SLC25A21: variants seen among roughly 807,000 people sequenced by gnomAD.
The protein encoded by SLC25A21 is mitochondrial 2-oxodicarboxylate carrier.
SLC25A21 carries 47 observed loss-of-function variants against 43.8 expected under a neutral mutation model. The observed-to-expected ratio is 1.07, with a 90% CI of 0.85 to 1.37. The LOEUF (loss-of-function observed/expected upper bound fraction) is 1.37. Among genes scored for constraint, SLC25A21 ranks in the 40% most tolerant of loss-of-function variants. The pLI is 0.00. For missense variants in SLC25A21, 352 were observed against 350.2 expected (o/e 1.00, Z -0.04); for synonymous variants, 131 against 121.3 (o/e 1.08, Z -0.52).
chr14:37,145,474 C>CAGAGAG (rs371272773), intron 1 of SLC25A21, among the ~76,000 whole-genome samples: 41 of 119,480 alleles, frequency 3.4e-4, no homozygotes, highest in Admixed American at 9.6e-4. Context: ...CACACACACA[C>CAGAGAG]ACAGAGAGAT....
intron 1 of SLC25A21, among the ~76,000 whole-genome samples, chr14:36,897,607 G>A (rs1336107574): frequency 3.3e-5 from 5 of 152,160 alleles, no homozygotes; most frequent in Non-Finnish European, 7.3e-5. Context: ...AGGAGGAGAG[G>A]TGCTCTGATT....
At chr14:36,904,960 A>G (rs1891496020) in intron 1 of SLC25A21, among the ~76,000 whole-genome samples, 1 of 152,214 alleles carries the variant, frequency 6.6e-6, no homozygotes, top group South Asian at 2.1e-4. Context: ...ACAATGAAGT[A>G]GCAAAACTGG....
chr14:36,756,478 T>C (rs562576936), intron 3 of SLC25A21, among the ~76,000 whole-genome samples: 44 of 152,296 alleles, frequency 2.9e-4, no homozygotes, highest in African/African-American at 1.0e-3. Flanking sequence ...GAGATTTGAG[T>C]CAAGTGTTCT....
chr14:36,984,615 G>A (rs770613822), intron 1 of SLC25A21, among the ~76,000 whole-genome samples: 8 of 151,814 alleles, frequency 5.3e-5, no homozygotes, highest in Admixed American at 1.3e-4. Flanking sequence ...AGGTTTAAGC[G>A]TTTTGCTTTT....
At chr14:36,729,246 A>G (rs979667805) in intron 5 of SLC25A21, among the ~76,000 whole-genome samples, 3 of 152,104 alleles carry the variant, frequency 2.0e-5, no homozygotes, top group Non-Finnish European at 4.4e-5. Flanking sequence ...TGATAAATGT[A>G]CTCTTTATTT....
chr14:37,023,590 A>G (rs1338022697), intron 1 of SLC25A21, among the ~76,000 whole-genome samples: 1 of 151,962 alleles, frequency 6.6e-6, no homozygotes, highest in Admixed American at 6.6e-5. Context: ...CTTTCTTCTG[A>G]AACCATCTGT....
intron 3 of SLC25A21, among the ~76,000 whole-genome samples, chr14:36,743,053 G>T (rs1885335932): frequency 6.6e-6 from 1 of 152,146 alleles, no homozygotes. Context: ...CATTTAGGAG[G>T]TAAGTCCATG....
intron 1 of SLC25A21, among the ~76,000 whole-genome samples, chr14:37,073,975 C>T (rs879850123): frequency 6.6e-6 from 1 of 151,404 alleles, no homozygotes; most frequent in African/African-American, 2.4e-5. Flanking sequence ...AACATCCCTA[C>T]AAAGCTCTAG....
At chr14:36,907,950 G>A (rs1891579618) in intron 1 of SLC25A21, among the ~76,000 whole-genome samples, 1 of 152,106 alleles carries the variant, frequency 6.6e-6, no homozygotes, top group Admixed American at 6.5e-5. Flanking sequence ...CTTTGTAATT[G>A]CACAGGACTT....
At chr14:37,054,665 G>T (rs1161086608) in intron 1 of SLC25A21, among the ~76,000 whole-genome samples, 2 of 152,102 alleles carry the variant, frequency 1.3e-5, no homozygotes, top group Non-Finnish European at 2.9e-5. Context: ...GAAAAAAGGT[G>T]TTGAGAAGTT....
At chr14:37,112,824 C>T (rs899329773) in intron 1 of SLC25A21, among the ~76,000 whole-genome samples, 8 of 152,086 alleles carry the variant, frequency 5.3e-5, no homozygotes, top group African/African-American at 1.9e-4. Flanking sequence ...ATTCCTTCAC[C>T]TTATGGAATG....
intron 2 of SLC25A21, among the ~76,000 whole-genome samples, chr14:36,849,740 T>TA (rs1474656194): frequency 1.3e-5 from 2 of 152,180 alleles, no homozygotes; most frequent in East Asian, 3.9e-4. Context: ...GAAAATCAGT[T>TA]ACCCACTGCT....
At chr14:37,143,969 A>G (rs570570180) in intron 1 of SLC25A21, among the ~76,000 whole-genome samples, 1 of 152,308 alleles carries the variant, frequency 6.6e-6, no homozygotes, top group South Asian at 2.1e-4. Context: ...GGGTTTTAGA[A>G]AGTCAAATTC....
At chr14:36,713,347 T>C (rs371367413) in intron 6 of SLC25A21, among the ~76,000 whole-genome samples, 7 of 152,244 alleles carry the variant, frequency 4.6e-5, no homozygotes, top group African/African-American at 4.8e-5. Context: ...TTTCTCATCA[T>C]CTTGAAAAGA....
chr14:37,080,909 T>C (rs771264138), intron 1 of SLC25A21, among the ~76,000 whole-genome samples: 10 of 152,150 alleles, frequency 6.6e-5, no homozygotes, highest in Non-Finnish European at 1.3e-4. Flanking sequence ...AAATATACAA[T>C]TGTCTTTGGC....
At chr14:36,914,927 G>A (rs1406202346) in intron 1 of SLC25A21, among the ~76,000 whole-genome samples, 1 of 151,844 alleles carries the variant, frequency 6.6e-6, no homozygotes, top group Non-Finnish European at 1.5e-5. Flanking sequence ...GTAGAGACAA[G>A]GCATTTTAAA....
At chr14:36,712,259 A>T (rs893617684) in intron 6 of SLC25A21, among the ~76,000 whole-genome samples, 1 of 152,108 alleles carries the variant, frequency 6.6e-6, no homozygotes, top group Non-Finnish European at 1.5e-5. Context: ...AAAAAAATGT[A>T]TGAGTGGTTG....
intron 2 of SLC25A21, among the ~76,000 whole-genome samples, chr14:36,817,189 C>T (rs958986115): frequency 3.3e-5 from 5 of 151,364 alleles, no homozygotes; most frequent in Non-Finnish European, 5.9e-5. Flanking sequence ...TTACCTTCAA[C>T]CTCAAGAAGC....
rs1883561619 is a variant in SLC25A21 at position 36,706,278 on chromosome 14, T to A, written c.603+5040A>T. ...TTTATGCCACCTTAACATTCACAAA[T>A]TACTTTGCATATTATTTGTTTTAAT... On this transcript the variant is annotated intron_variant, in intron 7 of 9. Transcript: ENST00000331299. Among the ~76,000 whole-genome samples the A allele has an allele frequency of 2.6e-5, 4 of 152,216 alleles. No individual in the cohort carries two copies. The South Asian group carries it at 8.3e-4, about 32-fold the overall frequency.
Sources: gnomAD v4.1 joint callset for allele counts (sites outside exome capture counted in the v4.1 genomes callset) on GRCh38, gnomAD v4.1.1 for gene constraint, MANE v1.5 for transcripts, NCBI Gene and HGNC (gene_info 2026-07-23, HGNC 2026-07-21) for gene names.